ASTN2: variants seen among roughly 807,000 people sequenced by gnomAD.
ASTN2 encodes the protein astrotactin-2.
Under a neutral mutation model 139.8 loss-of-function variants are expected in ASTN2, and 54 were observed. The observed-to-expected ratio is 0.39, with a 90% CI of 0.31 to 0.48. The LOEUF (loss-of-function observed/expected upper bound fraction) is 0.48. Ranked by LOEUF, ASTN2 falls within the 20% of genes least tolerant of loss-of-function variation. The probability of loss-of-function intolerance (pLI) is 0.95; values close to 1 mark genes in which losing one functional copy is unlikely to be tolerated. For synonymous variants in ASTN2, 756 were observed against 719.5 expected, an observed-to-expected ratio of 1.05 and a Z score of -0.81; for missense variants, 1,565 against 1,725.1, an observed-to-expected ratio of 0.91 and a Z score of 1.64.
At chr9:117,253,480 T>C (rs1237302550) in intron 2 of ASTN2, among the ~76,000 whole-genome samples, 1 of 152,072 alleles carries the variant, frequency 6.6e-6, no homozygotes, top group Non-Finnish European at 1.5e-5. Flanking sequence ...AACGAGCTGG[T>C]ATGGCAGGAA....
intron 2 of ASTN2, among the ~76,000 whole-genome samples, chr9:117,269,950 C>T (rs1365614063): frequency 6.6e-6 from 1 of 152,136 alleles, no homozygotes; most frequent in African/African-American, 2.4e-5. Context: ...AATCCACATG[C>T]CCATTGGATA....
At chr9:116,534,480 C>T (rs1312648299) in intron 19 of ASTN2, among the ~76,000 whole-genome samples, 1 of 152,188 alleles carries the variant, frequency 6.6e-6, no homozygotes, top group Non-Finnish European at 1.5e-5. Context: ...ATCTTTCCTG[C>T]TTTCTCTTGT....
intron 19 of ASTN2, among the ~76,000 whole-genome samples, chr9:116,617,429 C>T (rs1380523469): frequency 6.6e-6 from 1 of 152,154 alleles, no homozygotes; most frequent in African/African-American, 2.4e-5. Flanking sequence ...AGGCATCTTT[C>T]CTCTTGGAGT....
intron 11 of ASTN2, among the ~76,000 whole-genome samples, chr9:116,825,474 G>A (rs10983362): frequency 0.016 from 2,487 of 152,278 alleles, 27 homozygotes; most frequent in East Asian, 0.034. Flanking sequence ...TGTCTGACTA[G>A]ATGCAGGTAG....
intron 19 of ASTN2, among the ~76,000 whole-genome samples, chr9:116,487,810 CT>C (rs60661878): frequency 1.4e-4 from 21 of 149,504 alleles, no homozygotes; most frequent in South Asian, 4.3e-4. Flanking sequence ...GGATATTATG[CT>C]TTTTTTTTTC....
intron 4 of ASTN2, among the ~76,000 whole-genome samples, chr9:117,125,036 T>C (rs985216402): frequency 4.6e-5 from 7 of 152,338 alleles, no homozygotes; most frequent in South Asian, 2.1e-4. Flanking sequence ...ATTGCCATTA[T>C]GGTAATAAAA....
At chr9:116,777,442 C>T (rs565046796) in intron 13 of ASTN2, among the ~76,000 whole-genome samples, 16 of 152,142 alleles carry the variant, frequency 1.1e-4, no homozygotes, top group African/African-American at 2.7e-4. Context: ...TAATGAGTTG[C>T]GGCACCTAGG....
chr9:117,339,408 T>A (rs1417213479), intron 1 of ASTN2, among the ~76,000 whole-genome samples: 1 of 151,980 alleles, frequency 6.6e-6, no homozygotes, highest in Non-Finnish European at 1.5e-5. Context: ...CTTTAAAAGG[T>A]CTGCTGAGAT....
chr9:117,308,468 C>T (rs1413143988), intron 1 of ASTN2, among the ~76,000 whole-genome samples: 4 of 152,096 alleles, frequency 2.6e-5, no homozygotes, highest in Non-Finnish European at 5.9e-5. Context: ...ATCTGCTTGC[C>T]TCAAAGCATT....
intron 3 of ASTN2, among the ~76,000 whole-genome samples, chr9:117,213,340 A>G (rs1466548728): frequency 6.6e-6 from 1 of 152,202 alleles, no homozygotes; most frequent in Non-Finnish European, 1.5e-5. Context: ...AATTTATTAA[A>G]GGAAATAAAA....
intron 1 of ASTN2, among the ~76,000 whole-genome samples, chr9:117,297,903 A>G (rs969202564): frequency 2.0e-5 from 3 of 152,196 alleles, no homozygotes; most frequent in Non-Finnish European, 4.4e-5. Flanking sequence ...CCTTGACTAA[A>G]CGCCCAAGAA....
Position 116,684,002 on chromosome 9 carries a change from C to T in ASTN2, c.2807-32209G>A, listed in dbSNP as rs182578632. ...CTATAGTCCCTGTACAAGGTTCTGT[C>T]ATACAGTCCCTGTACAAGGTTCCTG... On this transcript the variant is annotated intron_variant, in intron 16 of 22. Transcript: ENST00000313400. Among the ~76,000 whole-genome samples the T allele has an allele frequency of 4.6e-5, 7 of 152,300 alleles. No homozygotes were observed. The East Asian group carries it at 1.4e-3, about 29-fold the overall frequency.
intron 7 of ASTN2, among the ~76,000 whole-genome samples, chr9:116,999,780 G>A (rs1272066245): frequency 3.3e-5 from 5 of 151,798 alleles, no homozygotes; most frequent in African/African-American, 7.3e-5. Context: ...GGCTGGTCTC[G>A]AACTCCTGGC....
intron 10 of ASTN2, among the ~76,000 whole-genome samples, chr9:116,934,411 T>C (rs1282392191): frequency 6.6e-6 from 1 of 152,124 alleles, no homozygotes; most frequent in Non-Finnish European, 1.5e-5. Flanking sequence ...AAGACAATAC[T>C]CCCAAGTAAG....
intron 3 of ASTN2, among the ~76,000 whole-genome samples, chr9:117,183,091 T>A (rs1564465635): frequency 6.6e-6 from 1 of 152,226 alleles, no homozygotes. Context: ...AGGTCAAGTA[T>A]CCCCTTTCTT....
At chr9:117,126,564 A>C (rs539358178) in intron 4 of ASTN2, among the ~76,000 whole-genome samples, 1 of 152,362 alleles carries the variant, frequency 6.6e-6, no homozygotes, top group South Asian at 2.1e-4. Context: ...TAGAATAAAC[A>C]AAACCATGAC....
intron 13 of ASTN2, among the ~76,000 whole-genome samples, chr9:116,778,898 C>G (rs1830150622): frequency 6.6e-6 from 1 of 152,148 alleles, no homozygotes; most frequent in African/African-American, 2.4e-5. Flanking sequence ...GTAGGCTCCT[C>G]TTGAGACATC....
chr9:116,604,572 G>A (rs941895543), intron 19 of ASTN2, among the ~76,000 whole-genome samples: 2 of 152,132 alleles, frequency 1.3e-5, no homozygotes, highest in East Asian at 1.9e-4. Flanking sequence ...TTTCTCAGAT[G>A]AACAGCATGG....
At chr9:117,362,423 G>T (rs1041193158) in intron 1 of ASTN2, among the ~76,000 whole-genome samples, 1 of 152,116 alleles carries the variant, frequency 6.6e-6, no homozygotes, top group African/African-American at 2.4e-5. Context: ...CTTTCAGTTG[G>T]GTTCTGCTAA....
Sources: allele counts gnomAD v4.1 joint callset (sites outside exome capture counted in the v4.1 genomes callset), GRCh38; gene constraint gnomAD v4.1.1; transcripts MANE v1.5; gene names NCBI Gene and HGNC (gene_info 2026-07-23, HGNC 2026-07-21).